PIK3C2B: variants seen among roughly 807,000 people sequenced by gnomAD.
PIK3C2B encodes phosphatidylinositol-4-phosphate 3-kinase catalytic subunit type 2 beta, also known as phosphatidylinositol 4-phosphate 3-kinase C2 domain-containing subunit beta.
Under a neutral mutation model 184.3 loss-of-function variants are expected in PIK3C2B, and 83 were observed. The ratio of observed to expected loss-of-function variants is 0.45; its 90% CI spans 0.38 to 0.54. The LOEUF is 0.54. Among genes scored for constraint, PIK3C2B ranks in the 20% least tolerant of loss-of-function variants. The probability of loss-of-function intolerance (pLI) is 0.00; values close to 1 mark genes in which losing one functional copy is unlikely to be tolerated. For missense variants in PIK3C2B, 1,736 were observed against 2,113.5 expected (o/e 0.82, Z 3.50); for synonymous variants, 779 against 837.6 (o/e 0.93, Z 1.21).
At chr1:204,482,014 A>G (rs1240379298) in intron 1 of PIK3C2B, among the ~76,000 whole-genome samples, 1 of 152,070 alleles carries the variant, frequency 6.6e-6, no homozygotes, top group Non-Finnish European at 1.5e-5. Context: ...CATTTGCATT[A>G]AAAAGCAGAA....
At chr1:204,456,698 G>A (rs16853737) in intron 10 of PIK3C2B, among the ~76,000 whole-genome samples, 5,808 of 151,986 alleles carry the variant, frequency 0.038, 311 homozygotes, top group East Asian at 0.12. Context: ...CTACCCAAGT[G>A]GGAGGCTTCC....
chr1:204,439,640 A>C (rs11240743), intron 22 of PIK3C2B, among the ~76,000 whole-genome samples: 31,927 of 151,762 alleles, frequency 0.21, 4,280 homozygotes, highest in Non-Finnish European at 0.3. Flanking sequence ...CTCTCTCTCT[A>C]TATATATATT....
chr1:204,475,679 T>A (rs578177251), intron 1 of PIK3C2B, among the ~76,000 whole-genome samples: 1 of 152,252 alleles, frequency 6.6e-6, no homozygotes, highest in South Asian at 2.1e-4. Flanking sequence ...ACCTACTGAT[T>A]CCTTAGGTCA....
chr1:204,451,467 T>A (rs1654352663), intron 12 of PIK3C2B, among the ~76,000 whole-genome samples: 2 of 152,318 alleles, frequency 1.3e-5, no homozygotes, highest in South Asian at 4.1e-4. Flanking sequence ...ATAACCATTA[T>A]GTTGGCTGCA....
At position 204,446,090 on chromosome 1, in the gene PIK3C2B, C is replaced by G. The variant is rs200182202; in HGVS notation, c.2544G>C (p.Ser848=). ...GCACCAGGGGGAGCGAGCTCACCTC[C>G]GAGTGGCAGTAATATCGCTTCTCCC... ...RLWEKRYYCH[S]EVSSLPLVLA... The change falls in exon 16 of 33, where the codon TCG becomes TCC. Residue 848 remains serine, a synonymous_variant. Coordinates refer to ENST00000684373, the MANE Select transcript of PIK3C2B (RefSeq NM_001377334.1). 4 of 1,595,158 alleles carry G rather than the reference C, an allele frequency of 2.5e-6. No homozygotes were observed. In the Admixed American group the frequency reaches 5.2e-5, roughly 21 times the overall value.
Position 204,468,724 on chromosome 1 carries a change from C to T in PIK3C2B, c.933+146G>A, listed in dbSNP as rs12568549. The T allele has an allele frequency of 3.1e-3, 2,125 of 689,440 alleles. 57 individuals carry two copies. The Admixed American group carries it at 0.039, about 13-fold the overall frequency. The allele number at this position is 689,440 out of a possible 1,614,324, so 42.7% of individuals were successfully genotyped here. On this transcript the variant is annotated intron_variant, in intron 2 of 32. Coordinates refer to ENST00000684373, the MANE Select transcript of PIK3C2B (RefSeq NM_001377334.1). Reference sequence around the variant, plus strand: ...TAATCAAGCCTCCCCTGGACCTCCCCCACCAGGGCCAGGGTCCCAAAGAGG... The same window carrying T: ...TAATCAAGCCTCCCCTGGACCTCCCTCACCAGGGCCAGGGTCCCAAAGAGG...
At chr1:204,490,970 G>A (rs1402577295) in intron 1 of PIK3C2B, among the ~76,000 whole-genome samples, 2 of 152,140 alleles carry the variant, frequency 1.3e-5, no homozygotes, top group Non-Finnish European at 2.9e-5. Flanking sequence ...TTCCTTGGAA[G>A]GTAGACATAG....
Position 204,433,665 on chromosome 1 carries a change from C to G in PIK3C2B, c.3843+128G>C. The G allele has an allele frequency of 1.1e-6, 1 of 919,874 alleles. No individual in the cohort carries two copies. 57.0% of individuals were successfully genotyped at this position (919,874 alleles called of 1,614,324 possible). ...TCTGGGTCCCTGCCTTTATCTAGGG[C>G]AGGCAGGTATTCAGTTGGGGCTCAG... On this transcript the variant is annotated intron_variant, in intron 25 of 32. Coordinates refer to ENST00000684373, the MANE Select transcript of PIK3C2B (RefSeq NM_001377334.1). This position sits in a 1 kb window ranked among gnomAD's most constrained non-coding sequence, Gnocchi z 5.0.
At chr1:204,485,943 T>C (rs1471705161) in intron 1 of PIK3C2B, among the ~76,000 whole-genome samples, 2 of 152,224 alleles carry the variant, frequency 1.3e-5, no homozygotes, top group Admixed American at 1.3e-4. Flanking sequence ...AAAGTGACTT[T>C]GCTCTTTTGA....
At chr1:204,437,403 G>A (rs1484721844) in intron 23 of PIK3C2B, among the ~76,000 whole-genome samples, 2 of 152,240 alleles carry the variant, frequency 1.3e-5, no homozygotes, top group South Asian at 2.1e-4. Flanking sequence ...GCTGAGGCAG[G>A]AGAATCGCTT....
chr1:204,462,799 A>T (rs1172897755), intron 5 of PIK3C2B, among the ~76,000 whole-genome samples: 1 of 152,236 alleles, frequency 6.6e-6, no homozygotes, highest in Non-Finnish European at 1.5e-5. Flanking sequence ...CACACCTGTA[A>T]TCCCAGCACT....
intron 1 of PIK3C2B, among the ~76,000 whole-genome samples, chr1:204,471,792 C>G (rs1656300432): frequency 6.6e-6 from 1 of 152,180 alleles, no homozygotes; most frequent in Admixed American, 6.5e-5. Flanking sequence ...GTCAATTACA[C>G]CTCAATAAAA....
At chr1:204,471,081 A>T (rs1656280276) in intron 1 of PIK3C2B, among the ~76,000 whole-genome samples, 1 of 145,486 alleles carries the variant, frequency 6.9e-6, no homozygotes, top group African/African-American at 2.5e-5. Flanking sequence ...GTATTCTCAC[A>T]TGATGGCTTC....
intron 31 of PIK3C2B, among the ~76,000 whole-genome samples, 159 bp downstream of exon 31, chr1:204,427,489 C>T (rs527781368): frequency 2.2e-4 from 33 of 152,156 alleles, no homozygotes; most frequent in Non-Finnish European, 4.1e-4. Context: ...CATGTATTGC[C>T]TAGTCATACC....
chr1:204,484,182 A>G (rs1054361129), intron 1 of PIK3C2B, among the ~76,000 whole-genome samples: 1 of 151,446 alleles, frequency 6.6e-6, no homozygotes, highest in African/African-American at 2.4e-5. Context: ...AAGGAAATAT[A>G]CCTTTTTTTC....
intron 9 of PIK3C2B, 46 bp from the exon 10 acceptor site, chr1:204,457,116 T>G: frequency 6.6e-7 from 1 of 1,521,460 alleles, no homozygotes; most frequent in Non-Finnish European, 8.9e-7. Flanking sequence ...GCCATAGCCT[T>G]TTTCGTCACA....
chr1:204,464,748 G>C, intron 3 of PIK3C2B, 144 bp from the exon 4 acceptor site: 1 of 681,252 alleles, frequency 1.5e-6, no homozygotes, highest in Non-Finnish European at 2.4e-6. Context: ...GCCAGGATGG[G>C]GGCAGTGGGG....
intron 1 of PIK3C2B, among the ~76,000 whole-genome samples, chr1:204,471,764 C>T (rs144962452): frequency 6.4e-4 from 98 of 152,306 alleles, no homozygotes; most frequent in African/African-American, 2.4e-3. Context: ...CACTTTCAAT[C>T]TGTATATTTT....
rs1654896682 is a variant in PIK3C2B, at chr1:204,456,899, C to T, written c.1747+138G>A. The T allele has an allele frequency of 9.1e-6, 3 of 329,984 alleles. No homozygotes were observed. The South Asian group carries it at 1.0e-4, about 11-fold the overall frequency. The allele number at this position is 329,984 out of a possible 1,614,324, so 20.4% of individuals were successfully genotyped here. A position where few individuals can be genotyped will look rare whatever the true frequency, so the allele number is the denominator to read the frequency against. On this transcript the variant is annotated intron_variant, in intron 10 of 32. Coordinates refer to ENST00000684373, the MANE Select transcript of PIK3C2B (RefSeq NM_001377334.1). ...ACACACACACACACACACACACACA[C>T]ACACACACCCACACACACACACACA...
Sources: gnomAD v4.1 joint callset for allele counts (sites outside exome capture counted in the v4.1 genomes callset) on GRCh38, gnomAD v4.1.1 for gene constraint, Gnocchi (gnomAD v3.1) non-coding constraint, MANE v1.5 for transcripts, NCBI Gene and HGNC (gene_info 2026-07-23, HGNC 2026-07-21) for gene names.